Variants in FAM135B observed in about 807,000 individuals in gnomAD.
The protein encoded by FAM135B is family with sequence similarity 135 member B.
A neutral mutation model predicts 127.7 loss-of-function variants in FAM135B; 43 were observed. That is an observed-to-expected ratio of 0.34 (90% confidence interval 0.26 to 0.43). The LOEUF is 0.43. FAM135B is among the 20% of genes least tolerant of loss of function. The pLI is 1.00. For missense variants in FAM135B, 1,558 were observed against 1,725.6 expected (o/e 0.90, Z 1.72); for synonymous variants, 670 against 665.1 (o/e 1.01, Z -0.11).
intron 1 of FAM135B, among the ~76,000 whole-genome samples, chr8:138,469,166 G>C (rs1025929500): frequency 6.6e-6 from 1 of 151,938 alleles, no homozygotes; most frequent in African/African-American, 2.4e-5. Context: ...TGGAAAAAAT[G>C]CTTAAAATTT....
chr8:138,488,302 C>T (rs1430947403), intron 1 of FAM135B, among the ~76,000 whole-genome samples: 1 of 146,134 alleles, frequency 6.8e-6, no homozygotes, highest in Non-Finnish European at 1.5e-5. Flanking sequence ...GGGTTTTGTG[C>T]AGCTATGAGT....
chr8:138,328,760 A>C (rs533277462), intron 2 of FAM135B, among the ~76,000 whole-genome samples: 1 of 152,352 alleles, frequency 6.6e-6, no homozygotes, highest in Admixed American at 6.5e-5. Context: ...AAAGTTACTT[A>C]ACTTCTGTGA....
intron 2 of FAM135B, among the ~76,000 whole-genome samples, chr8:138,314,757 G>C (rs1214832468): frequency 7.6e-6 from 1 of 131,636 alleles, no homozygotes; most frequent in Non-Finnish European, 1.7e-5. Context: ...CCTGTAGTCT[G>C]TAGTCTCAGT....
At chr8:138,138,380 G>T (rs1434998424) in intron 18 of FAM135B, among the ~76,000 whole-genome samples, 1 of 152,200 alleles carries the variant, frequency 6.6e-6, no homozygotes, top group African/African-American at 2.4e-5. Context: ...CCCTGGGCCA[G>T]GCCAGCTTGT....
At chr8:138,235,433 A>C (rs943941963) in intron 7 of FAM135B, among the ~76,000 whole-genome samples, 12 of 152,214 alleles carry the variant, frequency 7.9e-5, no homozygotes, top group African/African-American at 2.9e-4. Flanking sequence ...AGACAACATA[A>C]TGTCATGTTT....
chr8:138,409,452 A>T (rs10111479), intron 1 of FAM135B, among the ~76,000 whole-genome samples: 43,064 of 152,082 alleles, frequency 0.28, 6,415 homozygotes, highest in Non-Finnish European at 0.32. Context: ...GAATCAGCAA[A>T]ATGGGACACA....
intron 6 of FAM135B, among the ~76,000 whole-genome samples, chr8:138,245,916 T>C (rs1821244236): frequency 6.6e-6 from 1 of 152,150 alleles, no homozygotes; most frequent in South Asian, 2.1e-4. Context: ...AAATTGCTGA[T>C]AGTGATATGG....
intron 1 of FAM135B, among the ~76,000 whole-genome samples, chr8:138,479,282 T>C (rs758480871): frequency 4.6e-5 from 7 of 152,140 alleles, no homozygotes; most frequent in East Asian, 3.9e-4. Context: ...GAATAAATCA[T>C]TGACATTGGT....
At chr8:138,429,923 C>A (rs1162395536) in intron 1 of FAM135B, among the ~76,000 whole-genome samples, 1 of 152,142 alleles carries the variant, frequency 6.6e-6, no homozygotes, top group African/African-American at 2.4e-5. Context: ...GTCATACAGT[C>A]ATACAGCAAG....
At chr8:138,225,266 G>C (rs1396439551) in intron 7 of FAM135B, among the ~76,000 whole-genome samples, 1 of 151,914 alleles carries the variant, frequency 6.6e-6, no homozygotes, top group Non-Finnish European at 1.5e-5. Flanking sequence ...TTAGATTGAA[G>C]AACAACAAAA....
chr8:138,399,154 G>A (rs529134560), intron 1 of FAM135B, among the ~76,000 whole-genome samples: 1 of 152,232 alleles, frequency 6.6e-6, no homozygotes, highest in Non-Finnish European at 1.5e-5. Context: ...CCCTGGGACA[G>A]TCTCAGTTAA....
At chr8:138,294,371 C>T (rs1200799818) in intron 3 of FAM135B, among the ~76,000 whole-genome samples, 4 of 151,874 alleles carry the variant, frequency 2.6e-5, no homozygotes, top group African/African-American at 4.8e-5. Flanking sequence ...CAAAAACCAC[C>T]GTACCCCAAA....
chr8:138,448,267 T>G (rs1041407998), intron 1 of FAM135B, among the ~76,000 whole-genome samples: 1 of 152,168 alleles, frequency 6.6e-6, no homozygotes, highest in Non-Finnish European at 1.5e-5. Context: ...GACTTTTGGA[T>G]GAGATGCACA....
rs1301503419 is a variant in FAM135B at position 138,242,508 on chromosome 8, A to G, written c.669+434T>C. ...ATTACAACATTTGGGTACATATAACACTCCATGAGATTATTAGCTATTGGG... is the reference window on the plus strand; with the variant it reads ...ATTACAACATTTGGGTACATATAACGCTCCATGAGATTATTAGCTATTGGG... On this transcript the variant is annotated intron_variant, in intron 7 of 19. Transcript: ENST00000395297. This position sits in a 1 kb window ranked among gnomAD's most constrained non-coding sequence, Gnocchi z 9.6. 6.6e-6 allele frequency among the ~76,000 whole-genome samples: 1 copy of G among 151,842 alleles called. No homozygotes were observed. The highest frequency in any genetic ancestry group is 2.4e-5 in the African/African-American group (1 of 41,298).
At chr8:138,309,866 T>TTTTTA (rs1826542520) in intron 3 of FAM135B, among the ~76,000 whole-genome samples, 1 of 144,528 alleles carries the variant, frequency 6.9e-6, no homozygotes, top group East Asian at 2.1e-4. Flanking sequence ...TACTTTTTTT[T>TTTTTA]TTTTTTTTTT....
intron 1 of FAM135B, among the ~76,000 whole-genome samples, chr8:138,442,773 G>T (rs904871266): frequency 1.3e-5 from 2 of 152,114 alleles, no homozygotes; most frequent in African/African-American, 4.8e-5. Flanking sequence ...AGAAAGCCCT[G>T]CTGTGCTGAG....
rs2130754818 is a variant in FAM135B, at chr8:138,152,069, G to A, written c.2406C>T (p.His802=). The A allele has an allele frequency of 6.2e-7, 1 of 1,613,954 alleles. No individual in the cohort carries two copies. The highest frequency in any genetic ancestry group is 8.5e-7 in the Non-Finnish European group (1 of 1,180,030). ...DGGFAEPSDM[H]SKSQGSPGSC... ...ATCCTGGGGAACCTTGGCTCTTGCT[G>A]TGCATATCTGAAGGTTCAGCAAAAC... The change falls in exon 13 of 20, where the codon CAC becomes CAT. Residue 802 remains histidine (H), a synonymous_variant. Coordinates refer to ENST00000395297, the MANE Select transcript of FAM135B (RefSeq NM_015912.4).
chr8:138,217,926 C>T (rs1384166674), intron 7 of FAM135B, among the ~76,000 whole-genome samples: 1 of 152,154 alleles, frequency 6.6e-6, no homozygotes, highest in Admixed American at 6.5e-5. Context: ...TGGAGGGATT[C>T]TTTTAGGCCA....
chr8:138,497,581 A>T (rs1224325502), upstream of FAM135B, among the ~76,000 whole-genome samples: 4 of 152,156 alleles, frequency 2.6e-5, no homozygotes, highest in Non-Finnish European at 5.9e-5. Context: ...AGCCCAGGCA[A>T]CAAGTAGATG....
Sources: allele counts gnomAD v4.1 joint callset (sites outside exome capture counted in the v4.1 genomes callset), GRCh38; gene constraint gnomAD v4.1.1; non-coding constraint Gnocchi (gnomAD v3.1); transcripts MANE v1.5; gene names NCBI Gene and HGNC (gene_info 2026-07-23, HGNC 2026-07-21).